Variants in MTMR3 observed in about 807,000 individuals in gnomAD.
The protein encoded by MTMR3 is myotubularin related protein 3, also known as phosphatidylinositol-3,5-bisphosphate 3-phosphatase MTMR3.
Under a neutral mutation model 132.4 loss-of-function variants are expected in MTMR3, and 32 were observed. The observed-to-expected ratio is 0.24, with a 90% CI of 0.18 to 0.32. The LOEUF is 0.32. Among genes scored for constraint, MTMR3 ranks in the 10% least tolerant of loss-of-function variants. The pLI, the probability that MTMR3 is intolerant of heterozygous loss-of-function variation, is 1.00. For missense variants in MTMR3, 1,216 were observed against 1,489.6 expected, an observed-to-expected ratio of 0.82 and a Z score of 3.02; for synonymous variants, 556 against 550.3, an observed-to-expected ratio of 1.01 and a Z score of -0.14.
At chr22:30,012,122 A>C (rs936977444) in intron 12 of MTMR3, 3 of 411,092 alleles carry the variant, frequency 7.3e-6, no homozygotes, top group Non-Finnish European at 1.3e-5. Flanking sequence ...TCATCCATAC[A>C]GATTTTGGAA....
chr22:29,936,098 C>T (rs548464634), intron 1 of MTMR3, among the ~76,000 whole-genome samples: 2 of 152,198 alleles, frequency 1.3e-5, no homozygotes, highest in South Asian at 2.1e-4. Flanking sequence ...GAGACAAAAC[C>T]AACTATCCTT....
At chr22:29,893,770 C>T (rs904565660) in intron 1 of MTMR3, among the ~76,000 whole-genome samples, 10 of 152,030 alleles carry the variant, frequency 6.6e-5, no homozygotes, top group Middle Eastern at 3.4e-3. Flanking sequence ...TTTTTTGCTT[C>T]TTATTCTTTT....
Position 30,018,196 on chromosome 22 carries a change from T to C in MTMR3, c.1820+124T>C, listed in dbSNP as rs1569052794. On this transcript the variant is annotated intron_variant, in intron 16 of 19. Coordinates refer to ENST00000401950, the MANE Select transcript of MTMR3 (RefSeq NM_021090.4). ...CTCCACAGTATCTTTCTTAGGTCTC[T>C]GCAGTTTTTTCAGGGAAGTTATAGG... is the stretch of plus-strand genomic sequence containing the variant. 3.5e-6 allele frequency: 4 copies of C among 1,131,530 alleles called. No individual in the cohort carries two copies. In the East Asian group the frequency reaches 1.2e-4, roughly 34 times the overall value. The allele number at this position is 1,131,530 out of a possible 1,614,324, so 70.1% of individuals were successfully genotyped here. A position where few individuals can be genotyped will look rare whatever the true frequency, so the allele number is the denominator to read the frequency against.
chr22:30,011,395 C>G (rs2067419462), intron 12 of MTMR3: 1 of 152,034 alleles, frequency 6.6e-6, no homozygotes, highest in Admixed American at 6.5e-5. Flanking sequence ...TGGAGTCTCT[C>G]TCTCTCATCC....
At chr22:29,888,768 C>CTTT (rs3049983) in intron 1 of MTMR3, among the ~76,000 whole-genome samples, 381 of 101,860 alleles carry the variant, frequency 3.7e-3, no homozygotes, top group Non-Finnish European at 4.2e-3. Context: ...TTAGTTAATA[C>CTTT]TTTTTTTTTT....
At position 29,893,537 on chromosome 22, in the gene MTMR3, A is replaced by G. The variant is rs2064837507; in HGVS notation, c.-138+10178A>G. 2.0e-5 allele frequency among the ~76,000 whole-genome samples: 3 copies of G among 152,198 alleles called. No individual in the cohort carries two copies. In the South Asian group the frequency reaches 6.2e-4, roughly 32 times the overall value. On this transcript the variant is annotated intron_variant, in intron 1 of 19. Coordinates refer to ENST00000401950, the MANE Select transcript of MTMR3 (RefSeq NM_021090.4). ...TCCCCTCACCTTTGTCATTCTCTCC[A>G]GTTTCTTGTACATATGGTTGACTTA...
intron 12 of MTMR3, 45 bp from the exon 13 acceptor site, chr22:30,012,323 A>G: frequency 1.3e-6 from 2 of 1,581,394 alleles, no homozygotes; most frequent in Non-Finnish European, 1.7e-6. Flanking sequence ...GATGCAGTAA[A>G]TCATAAAAAA....
chr22:29,973,386 AT>A (rs1454659617), intron 3 of MTMR3, among the ~76,000 whole-genome samples: 1 of 152,196 alleles, frequency 6.6e-6, no homozygotes, highest in African/African-American at 2.4e-5. Flanking sequence ...TTCTTGTTTC[AT>A]TTGACCTCTT....
At chr22:29,903,040 C>T (rs1426126709) in intron 1 of MTMR3, among the ~76,000 whole-genome samples, 2 of 152,168 alleles carry the variant, frequency 1.3e-5, no homozygotes, top group Admixed American at 1.3e-4. Flanking sequence ...GCCTAGGCAA[C>T]ATGGTGAAAT....
At chr22:29,986,476 A>C in intron 5 of MTMR3, 1 of 667,062 alleles carries the variant, frequency 1.5e-6, no homozygotes. Flanking sequence ...TTATAGTTTT[A>C]TCTCTGATAA....
At chr22:29,911,470 A>G (rs1443207828) in intron 1 of MTMR3, among the ~76,000 whole-genome samples, 2 of 152,048 alleles carry the variant, frequency 1.3e-5, no homozygotes, top group Non-Finnish European at 2.9e-5. Flanking sequence ...TTGAGTCTGG[A>G]AGGTCAAGGT....
chr22:30,002,799 C>T (rs1052538111), intron 8 of MTMR3, 81 bp from the exon 9 acceptor site: 11 of 1,051,636 alleles, frequency 1.0e-5, no homozygotes, highest in Non-Finnish European at 1.2e-5. Flanking sequence ...TGCTGGCTCA[C>T]CTAGTGTCTC....
chr22:30,006,155 T>A (rs1023724775), intron 9 of MTMR3: 2 of 152,250 alleles, frequency 1.3e-5, no homozygotes, highest in Non-Finnish European at 2.9e-5. Context: ...TTTTTCTAAC[T>A]TTTTATCAGT....
At chr22:30,003,739 A>T (rs905178244) in intron 9 of MTMR3, 2 of 152,198 alleles carry the variant, frequency 1.3e-5, no homozygotes, top group African/African-American at 4.8e-5. Flanking sequence ...CAGCATTTGG[A>T]ATAGGTTAAA....
intron 1 of MTMR3, among the ~76,000 whole-genome samples, chr22:29,927,948 T>G (rs1466518815): frequency 2.7e-5 from 4 of 147,398 alleles, no homozygotes; most frequent in Non-Finnish European, 4.5e-5. Flanking sequence ...TGTTTTTTTT[T>G]TTTTTTTTTT....
rs1353995933 is a variant in MTMR3, at chr22:30,027,843, G to C, written c.*2042G>C. 6.6e-6 allele frequency: 1 copy of C among 152,274 alleles called. No homozygotes were observed. The highest frequency in any genetic ancestry group is 2.4e-5 in the African/African-American group (1 of 41,432). The allele number at this position is 152,274 out of a possible 1,614,324, so 9.4% of individuals were successfully genotyped here. ...ATATATAAATAAAGCAAATAAAGTT[G>C]AGTGTTCCACATGGTAGCATTTGCT... On this transcript the variant is annotated 3_prime_UTR_variant, in exon 20 of 20. Transcript: ENST00000401950.
intron 2 of MTMR3, among the ~76,000 whole-genome samples, chr22:29,959,039 T>C (rs1291469903): frequency 1.3e-5 from 2 of 152,346 alleles, no homozygotes; most frequent in East Asian, 3.9e-4. Flanking sequence ...CGTGTATTAC[T>C]TGAGGTATTC....
At chr22:29,931,248 TTAATC>T (rs1016113013) in intron 1 of MTMR3, among the ~76,000 whole-genome samples, 8 of 152,310 alleles carry the variant, frequency 5.3e-5, no homozygotes, top group African/African-American at 1.9e-4. Context: ...AGACAGTAGT[TTAATC>T]TACCCCTTTT....
chr22:30,016,864 T>C lies in MTMR3; in HGVS notation c.1674+166T>C, dbSNP rs150819844. ...TGATTCTGTCCTGAGGAAGGCCTGC[T>C]TCTGATGGTGCTCTGATCTGTTTCT... On this transcript the variant is annotated intron_variant, in intron 15 of 19. Coordinates refer to ENST00000401950, the MANE Select transcript of MTMR3 (RefSeq NM_021090.4). 13 of 767,038 alleles carry C rather than the reference T, an allele frequency of 1.7e-5. No homozygotes were observed. In the East Asian group the frequency reaches 3.5e-4, roughly 20 times the overall value. The allele number at this position is 767,038 out of a possible 1,614,324, so 47.5% of individuals were successfully genotyped here. A position where few individuals can be genotyped will look rare whatever the true frequency, so the allele number is the denominator to read the frequency against.
Sources: allele counts gnomAD v4.1 joint callset (sites outside exome capture counted in the v4.1 genomes callset), GRCh38; gene constraint gnomAD v4.1.1; transcripts MANE v1.5; gene names NCBI Gene and HGNC (gene_info 2026-07-23, HGNC 2026-07-21).